The following DPP7 variants were observed in gnomAD, a reference collection of about 807,000 sequenced individuals.
DPP7 encodes dipeptidyl peptidase 2.
Under a neutral mutation model 58.8 loss-of-function variants are expected in DPP7, and 74 were observed. The observed-to-expected ratio is 1.26, with a 90% CI of 1.04 to 1.53. The LOEUF is 1.53. Ranked by LOEUF, DPP7 falls within the 40% of genes most tolerant of loss-of-function variation. The pLI is 0.00. For missense variants in DPP7, 807 were observed against 692.3 expected (o/e 1.17, Z -1.86); for synonymous variants, 350 against 303.6 (o/e 1.15, Z -1.59).
Position 137,113,864 on chromosome 9 carries a change from C to T in DPP7, c.485+1G>A. On this transcript the variant is annotated splice_donor_variant, in intron 4 of 12. Transcript: ENST00000371579. LOFTEE classifies it high-confidence loss of function. ...GTGCGGAGGCCGGGGGAGGCGCCCA[C>T]CTTCCACCGAAGGCGATGGCGGGGG... is the stretch of plus-strand genomic sequence containing the variant. 2.0e-6 allele frequency: 3 copies of T among 1,532,440 alleles called. No homozygotes were observed. The highest frequency in any genetic ancestry group is 1.2e-5 in the South Asian group (1 of 83,534). 94.9% of individuals were successfully genotyped at this position (1,532,440 alleles called of 1,614,324 possible). A position where few individuals can be genotyped will look rare whatever the true frequency, so the allele number is the denominator to read the frequency against.
Position 137,114,675 on chromosome 9 carries a change from C to A in DPP7, c.39G>T (p.Ala13=), listed in dbSNP as rs1831574231. 1.5e-6 allele frequency: 2 copies of A among 1,357,958 alleles called. No individual in the cohort carries two copies. Among genetic ancestry groups the A allele is most frequent in the South Asian group, 1.8e-5 (1 of 56,674 alleles). 84.1% of individuals were successfully genotyped at this position (1,357,958 alleles called of 1,614,324 possible). A position where few individuals can be genotyped will look rare whatever the true frequency, so the allele number is the denominator to read the frequency against. The change falls in exon 1 of 13, where the codon GCG becomes GCT. Residue 13 remains alanine, a synonymous_variant. Transcript: ENST00000371579. ...CCGCCTGGAGGCCGCGCAGCCCGAG[C>A]GCCAGCAGCAGGACCGGGGCCCAGG... The part of the protein sequence containing the change: ...SAPWAPVLLL[A]LGLRGLQAGA...
At chr9:137,113,584 G>C (rs1316936169) in intron 4 of DPP7, 88 bp from the exon 5 acceptor site, 3 of 1,470,528 alleles carry the variant, frequency 2.0e-6, no homozygotes, top group Admixed American at 2.6e-5. Context: ...GCCACAAGGA[G>C]GACGACACTT....
rs1365241208 is a variant in DPP7 at position 137,112,202 on chromosome 9, C to G, written c.960G>C (p.Glu320Asp). The G allele has an allele frequency of 1.2e-6, 2 of 1,603,884 alleles. No individual in the cohort carries two copies. Among genetic ancestry groups the G allele is most frequent in the Non-Finnish European group, 1.7e-6 (2 of 1,179,536 alleles). ...AGLVYNASGS[E>D]HCYDIYRLYH... The stretch of plus-strand genomic sequence containing the variant: ...AGAGCCGGTAGATGTCGTAGCAGTG[C>G]TCGGAGCCCGAGGCGTTGTAGACCA... Residue 320 changes from glutamate to aspartate, a missense_variant, in exon 9 of 13, where the codon GAG becomes GAC. Around this residue, in one of 3 missense-constraint regions of DPP7, gnomAD observed 624 missense variants for 531.2 expected, o/e 1.17. Transcript: ENST00000371579.
chr9:137,113,997 G>A lies in DPP7; in HGVS notation c.353C>T (p.Ala118Val), dbSNP rs549765115. Residue 118 changes from alanine (A) to valine (V), a missense_variant, in exon 4 of 13, where the codon GCG (alanine) becomes GTG (valine). Transcript: ENST00000371579. ...RYYGKSLPFG[A>V]QSTQRGHTEL... ...CGTGTGCCCGCGCTGCGTGGACTGCGCACCGAACGGCAGCGACTTCCCGTA... is the reference window on the plus strand; with the variant it reads ...CGTGTGCCCGCGCTGCGTGGACTGCACACCGAACGGCAGCGACTTCCCGTA... 12 of 1,543,470 alleles carry A rather than the reference G, an allele frequency of 7.8e-6. No homozygotes were observed. In the African/African-American group the frequency reaches 1.4e-4, roughly 18 times the overall value.
upstream of DPP7, among the ~76,000 whole-genome samples, chr9:137,116,557 G>A (rs1174955841): frequency 6.6e-6 from 1 of 152,252 alleles, no homozygotes; most frequent in Non-Finnish European, 1.5e-5. Flanking sequence ...GAAAGCCGCA[G>A]GGACCTCTGC....
At chr9:137,115,408 G>A (rs778093445), upstream of DPP7, among the ~76,000 whole-genome samples, 43 of 152,304 alleles carry the variant, frequency 2.8e-4, no homozygotes, top group Non-Finnish European at 4.9e-4. Context: ...CCAGAGGATG[G>A]AAGAAGTCAC....
chr9:137,111,890 G>A lies in DPP7; in HGVS notation c.1190C>T (p.Thr397Ile). 2 of 1,612,490 alleles carry A rather than the reference G, an allele frequency of 1.2e-6. No homozygotes were observed. The highest frequency in any genetic ancestry group is 4.5e-5 in the East Asian group (2 of 44,836). The change falls in exon 10 of 13, where the codon ACC (threonine) becomes ATC (isoleucine). Residue 397 changes from threonine to isoleucine, a missense_variant. Transcript: ENST00000371579. ...GVWPRPDWLL[T>I]SFWGGDLRAA... is the part of the protein sequence containing the mutation. ...AGCCTTACCACCCCCCCAGAAGCTG[G>A]TCAGCAGCCAGTCGGGCCGGGGCCA...
In DPP7 at chr9:137,114,397, G is replaced by GATGAGGCGAGGGTGC. The variant is rs775499015; in HGVS notation, c.182-30_182-16dup. ...CCAGAACCTGTCTGTGGGGAGGGCG[G>GATGAGGCGAGGGTGC]ATGAGGCGAGGGTGCCGGGGGGCGG... On this transcript the variant is annotated splice_polypyrimidine_tract_variant and intron_variant, in intron 2 of 12. Transcript: ENST00000371579. The GATGAGGCGAGGGTGC allele has an allele frequency of 1.2e-5, 19 of 1,590,644 alleles. No individual in the cohort carries two copies. The African/African-American group carries it at 2.6e-4, about 22-fold the overall frequency.
chr9:137,114,878 G>A, upstream of DPP7: 1 of 421,402 alleles, frequency 2.4e-6, no homozygotes, highest in East Asian at 4.1e-5. Flanking sequence ...GCGCCCCGCG[G>A]CCGCTGCCCA....
Position 137,114,639 on chromosome 9 carries a change from C to G in DPP7, c.67+8G>C. On this transcript the variant is annotated splice_region_variant and intron_variant, in intron 1 of 12. Transcript: ENST00000371579. Reference sequence around the variant, plus strand: ...CCGGGGAATGGGCCGGGGGGCGCCGCCACTCACCCCCCGCCTGGAGGCCGC... The same window carrying G: ...CCGGGGAATGGGCCGGGGGGCGCCGGCACTCACCCCCCGCCTGGAGGCCGC... 7.2e-7 allele frequency: 1 copy of G among 1,391,616 alleles called. No individual in the cohort carries two copies. Among genetic ancestry groups the G allele is most frequent in the East Asian group, 3.1e-5 (1 of 32,492 alleles). The allele number at this position is 1,391,616 out of a possible 1,614,324, so 86.2% of individuals were successfully genotyped here.
chr9:137,113,096 A>T lies in DPP7; in HGVS notation c.727T>A (p.Phe243Ile), dbSNP rs1253312332. 1 of 1,613,562 alleles carries T rather than the reference A, an allele frequency of 6.2e-7. No individual in the cohort carries two copies. Among genetic ancestry groups the T allele is most frequent in the Non-Finnish European group, 8.5e-7 (1 of 1,180,008 alleles). ...QGAYDTVRWEFGTCQPLSDEK... is the reference protein window; with the variant it reads ...QGAYDTVRWEIGTCQPLSDEK... ...TCTGACAGCGGCTGGCAGGTGCCGA[A>T]CTCCCAGCGGACCGTGTCGTAGGCT... Residue 243 changes from phenylalanine to isoleucine, a missense_variant, in exon 7 of 13, where the codon TTC (phenylalanine) becomes ATC (isoleucine). By Grantham distance (21) the Phe-to-Ile change is conservative. Around this residue, in one of 3 missense-constraint regions of DPP7, gnomAD observed 624 missense variants for 531.2 expected, o/e 1.17. Coordinates refer to ENST00000371579, the MANE Select transcript of DPP7 (RefSeq NM_013379.3).
Position 137,110,552 on chromosome 9 carries a change from C to T in DPP7, c.*96G>A. 2 of 1,484,348 alleles carry T rather than the reference C, an allele frequency of 1.3e-6. No homozygotes were observed. Among genetic ancestry groups the T allele is most frequent in the South Asian group, 2.6e-5 (2 of 75,784 alleles). The allele number at this position is 1,484,348 out of a possible 1,614,324, so 91.9% of individuals were successfully genotyped here. On this transcript the variant is annotated 3_prime_UTR_variant, in exon 13 of 13. Transcript: ENST00000371579. ...GAAGGACGGGACATACATGGCCAGG[C>T]CTCCAGGCGTTTATTCAGCCCCTTC...
chr9:137,113,822 G>A (rs1490386401), intron 4 of DPP7, 43 bp downstream of exon 4: 2 of 1,439,232 alleles, frequency 1.4e-6, no homozygotes, highest in Non-Finnish European at 1.8e-6. Context: ...GCTGGGTCGG[G>A]GCAGGGGAGG....
At chr9:137,118,005 C>T (rs1298800521), upstream of DPP7, among the ~76,000 whole-genome samples, 3 of 148,950 alleles carry the variant, frequency 2.0e-5, no homozygotes, top group South Asian at 2.1e-4. Flanking sequence ...TTTTTTTTTT[C>T]GAGACAGAGT....
chr9:137,112,252 G>A, intron 8 of DPP7, 22 bp from the exon 9 acceptor site: 2 of 1,580,592 alleles, frequency 1.3e-6, no homozygotes, highest in Non-Finnish European at 1.7e-6. Flanking sequence ...AGGCGCTGGG[G>A]CCCAGCGGCC....
intron 11 of DPP7, 82 bp from the exon 12 acceptor site, chr9:137,111,032 G>A: frequency 7.3e-7 from 1 of 1,374,270 alleles, no homozygotes; most frequent in Non-Finnish European, 1.0e-6. Context: ...GAGGAGACGT[G>A]AGAGGGCGAG....
rs766635762 is a variant in DPP7 at position 137,113,452 on chromosome 9, T to TA, written c.529_530insT (p.His177LeufsTer34). 7 of 1,603,876 alleles carry TA rather than the reference T, an allele frequency of 4.4e-6. No homozygotes were observed. Among genetic ancestry groups the TA allele is most frequent in the African/African-American group, 1.3e-5 (1 of 74,598 alleles). ...GGCCGCCAGCGCCCCCGCCACCAGG[T>TA]GGGGATACTTCATCCTCAGGTAGGC... On this transcript the variant is annotated frameshift_variant, in exon 5 of 13. Coordinates refer to ENST00000371579, the MANE Select transcript of DPP7 (RefSeq NM_013379.3). LOFTEE classifies it high-confidence loss of function.
chr9:137,112,277 C>T lies in DPP7; in HGVS notation c.932-47G>A, dbSNP rs75666441. 1.0e-3 allele frequency: 1,505 copies of T among 1,488,618 alleles called. 12 individuals carry two copies. In the African/African-American group the frequency reaches 0.011, roughly 11 times the overall value. The allele number at this position is 1,488,618 out of a possible 1,614,324, so 92.2% of individuals were successfully genotyped here. On this transcript the variant is annotated intron_variant, in intron 8 of 12. Coordinates refer to ENST00000371579, the MANE Select transcript of DPP7 (RefSeq NM_013379.3). Reference sequence around the variant, plus strand: ...GCCCAGCGGCCACACACAGACACACCGCGGGCTCCGGCCACCAACCTGTCC... The same window carrying T: ...GCCCAGCGGCCACACACAGACACACTGCGGGCTCCGGCCACCAACCTGTCC...
chr9:137,111,841 C>T, intron 10 of DPP7, 32 bp downstream of exon 10: 2 of 1,612,470 alleles, frequency 1.2e-6, no homozygotes, highest in Non-Finnish European at 1.7e-6. Flanking sequence ...GGGCAGAAAG[C>T]AGGACGCTGG....
Sources: allele counts gnomAD v4.1 joint callset (sites outside exome capture counted in the v4.1 genomes callset), GRCh38; gene constraint gnomAD v4.1.1; regional missense constraint gnomAD v4.1.1; transcripts MANE v1.5; gene names NCBI Gene and HGNC (gene_info 2026-07-23, HGNC 2026-07-21).